GPHN: variants seen among roughly 807,000 people sequenced by gnomAD.
GPHN encodes the protein gephyrin.
A neutral mutation model predicts 95.5 loss-of-function variants in GPHN; 17 were observed. The observed-to-expected ratio is 0.18, with a 90% confidence interval of 0.12 to 0.27. The LOEUF (loss-of-function observed/expected upper bound fraction) is 0.27. Among genes scored for constraint, GPHN ranks in the 10% least tolerant of loss-of-function variants. GPHN has a pLI of 1.00. For missense variants in GPHN, 660 were observed against 978.1 expected (o/e 0.67, Z 4.34); for synonymous variants, 320 against 322.5 (o/e 0.99, Z 0.08).
chr14:67,679,309 G>A, the GPHN span, among the ~76,000 whole-genome samples: 6 of 152,144 alleles, frequency 3.9e-5, no homozygotes, highest in Non-Finnish European at 1.5e-5. Flanking sequence ...GTTGTATTGA[G>A]GCTTAAGTTT....
chr14:67,393,129 G>T, the GPHN span: 1 of 1,565,976 alleles, frequency 6.4e-7, no homozygotes, highest in Non-Finnish European at 8.8e-7. Context: ...TGCCCAGCCC[G>T]GCCCTGGGGG....
intron 1 of GPHN, among the ~76,000 whole-genome samples, chr14:66,581,842 T>C (rs929716120): frequency 6.6e-6 from 1 of 152,084 alleles, no homozygotes; most frequent in African/African-American, 2.4e-5. Context: ...GAAGAAGATA[T>C]AACAATTGTA....
intron 2 of GPHN, among the ~76,000 whole-genome samples, chr14:66,742,138 G>T (rs1251350535): frequency 1.3e-5 from 2 of 152,140 alleles, no homozygotes; most frequent in African/African-American, 4.8e-5. Context: ...CTTTTGCCTT[G>T]TTAGATTTCA....
intron 3 of GPHN, among the ~76,000 whole-genome samples, chr14:66,793,870 G>A (rs550107947): frequency 1.3e-5 from 2 of 151,982 alleles, no homozygotes; most frequent in Admixed American, 1.3e-4. Flanking sequence ...GGGAATAAAG[G>A]AACTAATAAG....
At chr14:67,601,791 G>C in the GPHN span, among the ~76,000 whole-genome samples, 12 of 151,738 alleles carry the variant, frequency 7.9e-5, no homozygotes, top group Non-Finnish European at 1.3e-4. Flanking sequence ...AATCCCAGCT[G>C]TTCGGGTGGC....
At chr14:66,818,181 G>C (rs1372000116) in intron 3 of GPHN, among the ~76,000 whole-genome samples, 1 of 151,886 alleles carries the variant, frequency 6.6e-6, no homozygotes, top group African/African-American at 2.4e-5. Flanking sequence ...ATGTCATGAG[G>C]GTTGGTTGTA....
chr14:66,630,217 G>T (rs1228826946), intron 1 of GPHN, among the ~76,000 whole-genome samples: 2 of 152,106 alleles, frequency 1.3e-5, no homozygotes, highest in Non-Finnish European at 2.9e-5. Flanking sequence ...TTTTACTTGG[G>T]TTATGCTCTT....
Position 66,724,354 on chromosome 14 carries a change from G to A in GPHN, c.143+43169G>A, listed in dbSNP as rs2071035185. Among the ~76,000 whole-genome samples the A allele has an allele frequency of 2.0e-5, 3 of 152,100 alleles. No individual in the cohort carries two copies. The South Asian group carries it at 6.2e-4, about 32-fold the overall frequency. ...AATGGCAGCTGTGGACAAAACTTCA[G>A]ACAAGTGACTAAGGAGACATCTAGC... is the stretch of plus-strand genomic sequence containing the variant. On this transcript the variant is annotated intron_variant, in intron 2 of 22. Transcript: ENST00000478722.
intron 1 of GPHN, among the ~76,000 whole-genome samples, chr14:66,624,268 C>T (rs1290207390): frequency 2.6e-5 from 4 of 152,224 alleles, no homozygotes; most frequent in Non-Finnish European, 5.9e-5. Flanking sequence ...TTTATTTCCT[C>T]TGTAATAAGA....
At chr14:67,695,845 G>A in the GPHN span, 2 of 714,390 alleles carry the variant, frequency 2.8e-6, no homozygotes, top group South Asian at 3.8e-5. Context: ...GAGCTTGACA[G>A]CCTCAGGCTG....
intron 1 of GPHN, among the ~76,000 whole-genome samples, chr14:66,654,635 A>C (rs918932213): frequency 2.4e-4 from 37 of 152,126 alleles, no homozygotes; most frequent in Non-Finnish European, 5.1e-4. Flanking sequence ...GGTTTTTCAC[A>C]CGGTGAAAGT....
At chr14:67,734,931 T>G in the GPHN span, among the ~76,000 whole-genome samples, 3 of 152,000 alleles carry the variant, frequency 2.0e-5, no homozygotes, top group Non-Finnish European at 4.4e-5. Context: ...GGGCTGGGAG[T>G]GGATACTCCT....
intron 8 of GPHN, among the ~76,000 whole-genome samples, chr14:66,955,719 G>T (rs967407316): frequency 8.1e-5 from 12 of 148,698 alleles, no homozygotes; most frequent in African/African-American, 2.7e-4. Context: ...CCCACCCCAC[G>T]ACAGGCCATG....
chr14:66,848,967 A>C (rs1327983915), intron 4 of GPHN, among the ~76,000 whole-genome samples: 1 of 151,888 alleles, frequency 6.6e-6, no homozygotes, highest in Non-Finnish European at 1.5e-5. Context: ...AATTACTAAA[A>C]TGTATAGTAC....
chr14:67,581,303 C>A, the GPHN span, among the ~76,000 whole-genome samples: 2 of 148,748 alleles, frequency 1.3e-5, no homozygotes, highest in East Asian at 4.0e-4. Context: ...CACACACAAA[C>A]ATCTGCCAAG....
intron 2 of GPHN, among the ~76,000 whole-genome samples, chr14:66,732,110 A>G (rs868634229): frequency 1.3e-5 from 2 of 152,142 alleles, no homozygotes; most frequent in African/African-American, 2.4e-5. Flanking sequence ...CCTCACAGAG[A>G]ACTTGTACAA....
chr14:66,822,400 C>A (rs1325682806), intron 3 of GPHN, among the ~76,000 whole-genome samples: 5 of 152,182 alleles, frequency 3.3e-5, no homozygotes, highest in Admixed American at 1.3e-4. Context: ...TTAAAAATCC[C>A]AGTCAGTGCC....
At chr14:67,129,143 A>G (rs891484174) in intron 17 of GPHN, among the ~76,000 whole-genome samples, 1 of 151,910 alleles carries the variant, frequency 6.6e-6, no homozygotes, top group Non-Finnish European at 1.5e-5. Context: ...AATATTTCTG[A>G]AATACTTGAA....
At chr14:67,375,045 G>T in the GPHN span, among the ~76,000 whole-genome samples, 29 of 152,128 alleles carry the variant, frequency 1.9e-4, no homozygotes, top group South Asian at 6.0e-3. Flanking sequence ...ACTAGTTTTG[G>T]TTTTTTTCCC....
Sources: allele counts gnomAD v4.1 joint callset (sites outside exome capture counted in the v4.1 genomes callset), GRCh38; gene constraint gnomAD v4.1.1; transcripts MANE v1.5; gene names NCBI Gene and HGNC (gene_info 2026-07-23, HGNC 2026-07-21).